MCTP1: variants seen among roughly 807,000 people sequenced by gnomAD.
MCTP1 encodes the protein multiple C2 and transmembrane domain containing 1.
In MCTP1, 69 loss-of-function variants were observed where a neutral mutation model predicts 120.6. The ratio of observed to expected loss-of-function variants is 0.57; its 90% CI spans 0.47 to 0.70. MCTP1 has a LOEUF of 0.70. MCTP1 is among the 30% of genes least tolerant of loss of function. The pLI is 0.00. For synonymous variants in MCTP1, 529 were observed against 493.1 expected (o/e 1.07, Z -0.96); for missense variants, 1,203 against 1,248.8 (o/e 0.96, Z 0.55).
intron 1 of MCTP1, among the ~76,000 whole-genome samples, chr5:95,046,649 G>C (rs1744623648): frequency 6.6e-6 from 1 of 152,142 alleles, no homozygotes; most frequent in Admixed American, 6.5e-5. Context: ...GCCAGACAGA[G>C]TCACTAGGAG....
chr5:94,947,577 TAGAG>T (rs3030518), intron 3 of MCTP1, among the ~76,000 whole-genome samples: 2,668 of 46,950 alleles, frequency 0.057, 117 homozygotes, highest in East Asian at 0.25. Context: ...TATATATATA[TAGAG>T]AGAGAGAGAG....
At chr5:95,008,758 G>A (rs1034776243) in intron 2 of MCTP1, among the ~76,000 whole-genome samples, 4 of 152,064 alleles carry the variant, frequency 2.6e-5, no homozygotes, top group Non-Finnish European at 5.9e-5. Context: ...AGGAAAGGGC[G>A]ATATAAGGCA....
intron 5 of MCTP1, 23 bp downstream of exon 5, chr5:94,940,061 T>C: frequency 1.4e-6 from 2 of 1,392,550 alleles, no homozygotes; most frequent in Non-Finnish European, 2.0e-6. Flanking sequence ...AAAGAGCTCC[T>C]ACTAGGCTGT....
At chr5:95,249,212 A>G (rs966811706) in intron 1 of MCTP1, among the ~76,000 whole-genome samples, 46 of 152,350 alleles carry the variant, frequency 3.0e-4, no homozygotes, top group African/African-American at 1.1e-3. Flanking sequence ...AACTATCATC[A>G]GAGTGAACAG....
intron 1 of MCTP1, chr5:95,081,911 GA>G: frequency 8.7e-6 from 7 of 807,828 alleles, no homozygotes; most frequent in Non-Finnish European, 1.0e-5. Flanking sequence ...ACTGCACAAA[GA>G]AAACTATTCT....
intron 19 of MCTP1, among the ~76,000 whole-genome samples, chr5:94,738,503 C>A (rs1047460970): frequency 2.6e-5 from 4 of 152,254 alleles, no homozygotes; most frequent in Middle Eastern, 3.4e-3. Flanking sequence ...GCCTGTCCCC[C>A]CATACTGAAC....
intron 17 of MCTP1, chr5:94,867,122 G>T: frequency 1.1e-6 from 1 of 936,168 alleles, no homozygotes; most frequent in Non-Finnish European, 1.4e-6. Flanking sequence ...CCTGGCTAGG[G>T]AAAAATCAGA....
chr5:95,015,274 T>G (rs149667161), intron 2 of MCTP1, among the ~76,000 whole-genome samples: 223 of 152,254 alleles, frequency 1.5e-3, no homozygotes, highest in African/African-American at 5.1e-3. Flanking sequence ...CCCTTTTTCA[T>G]AGCTACTTCG....
chr5:94,737,696 G>A (rs1236034459), intron 19 of MCTP1, among the ~76,000 whole-genome samples: 3 of 152,012 alleles, frequency 2.0e-5, no homozygotes, highest in Admixed American at 2.0e-4. Flanking sequence ...TTTTGTTTGA[G>A]ACAGAATCTC....
intron 2 of MCTP1, among the ~76,000 whole-genome samples, chr5:94,956,496 A>G (rs940277017): frequency 6.6e-6 from 1 of 152,174 alleles, no homozygotes; most frequent in African/African-American, 2.4e-5. Context: ...TGGTAACCCA[A>G]TGCAAGGAGG....
At chr5:94,840,864 G>T (rs1248579136) in intron 17 of MCTP1, among the ~76,000 whole-genome samples, 2 of 152,190 alleles carry the variant, frequency 1.3e-5, no homozygotes, top group East Asian at 1.9e-4. Flanking sequence ...GCTGCATCTG[G>T]ATACTAAGCA....
At chr5:95,210,412 C>A (rs1752204015) in intron 1 of MCTP1, among the ~76,000 whole-genome samples, 1 of 150,238 alleles carries the variant, frequency 6.7e-6, no homozygotes, top group Non-Finnish European at 1.5e-5. Flanking sequence ...TGAATTGATC[C>A]CTTTACCATT....
intron 12 of MCTP1, among the ~76,000 whole-genome samples, chr5:94,874,777 G>A (rs1239152312): frequency 1.3e-5 from 2 of 152,048 alleles, no homozygotes; most frequent in East Asian, 1.9e-4. Flanking sequence ...TAGGTTTTAT[G>A]TGGCACATCA....
intron 1 of MCTP1, among the ~76,000 whole-genome samples, chr5:95,066,103 T>A (rs1225780902): frequency 1.3e-5 from 2 of 152,098 alleles, no homozygotes; most frequent in African/African-American, 4.8e-5. Context: ...ACAAAGTATA[T>A]AACTAACAAG....
At chr5:94,920,979 C>T (rs541379112) in intron 7 of MCTP1, among the ~76,000 whole-genome samples, 1 of 152,078 alleles carries the variant, frequency 6.6e-6, no homozygotes, top group African/African-American at 2.4e-5. Context: ...CAGACTTTTC[C>T]ACTTAAAAAA....
intron 17 of MCTP1, among the ~76,000 whole-genome samples, chr5:94,804,561 C>A (rs2153040978): frequency 6.6e-6 from 1 of 152,196 alleles, no homozygotes; most frequent in Non-Finnish European, 1.5e-5. Flanking sequence ...GCCTCAGCCT[C>A]CCGAGTAGCT....
intron 1 of MCTP1, among the ~76,000 whole-genome samples, chr5:95,280,871 A>AT (rs923587400): frequency 3.1e-4 from 47 of 151,584 alleles, no homozygotes; most frequent in East Asian, 9.7e-4. Flanking sequence ...GTCCAAACTG[A>AT]TTTTTTTTTC....
intron 2 of MCTP1, among the ~76,000 whole-genome samples, 175 bp downstream of exon 2, chr5:95,017,192 C>T (rs79847651): frequency 6.6e-5 from 10 of 152,208 alleles, no homozygotes; most frequent in Middle Eastern, 3.4e-3. Context: ...TGCATCAAAA[C>T]GTCTTCCACC....
At chr5:94,875,160 T>C (rs1029409595) in intron 12 of MCTP1, among the ~76,000 whole-genome samples, 6 of 151,984 alleles carry the variant, frequency 3.9e-5, no homozygotes, top group Non-Finnish European at 8.8e-5. Flanking sequence ...AAAACAAAGA[T>C]GGGAAAGGTA....
Sources: allele counts gnomAD v4.1 joint callset (sites outside exome capture counted in the v4.1 genomes callset), GRCh38; gene constraint gnomAD v4.1.1; transcripts MANE v1.5; gene names NCBI Gene and HGNC (gene_info 2026-07-23, HGNC 2026-07-21).